Variants in EXOC2 observed in about 807,000 individuals in gnomAD.
EXOC2 encodes the protein exocyst complex component 2.
EXOC2 carries 70 observed loss-of-function variants against 131.8 expected under a neutral mutation model. That is an observed-to-expected ratio of 0.53 (90% CI 0.44 to 0.65). EXOC2 has a LOEUF of 0.65. EXOC2 is among the 30% of genes least tolerant of loss of function. EXOC2 has a pLI of 0.00. For synonymous variants in EXOC2, 411 were observed against 398.4 expected, an observed-to-expected ratio of 1.03 and a Z score of -0.38; for missense variants, 923 against 1,108.6, an observed-to-expected ratio of 0.83 and a Z score of 2.38.
chr6:648,484 C>A (rs1762680638), intron 1 of EXOC2, among the ~76,000 whole-genome samples: 1 of 152,158 alleles, frequency 6.6e-6, no homozygotes, highest in African/African-American at 2.4e-5. Context: ...CACAAATATT[C>A]CAATTGCCAT....
intron 25 of EXOC2, among the ~76,000 whole-genome samples, chr6:491,815 A>C (rs1352528650): frequency 6.6e-6 from 1 of 152,256 alleles, no homozygotes; most frequent in Non-Finnish European, 1.5e-5. Context: ...TTCTGACTTC[A>C]GCCATACTCC....
chr6:661,059 A>C (rs1213232878), intron 1 of EXOC2, among the ~76,000 whole-genome samples: 1 of 152,214 alleles, frequency 6.6e-6, no homozygotes, highest in African/African-American at 2.4e-5. Context: ...AGAAATTCAG[A>C]GCTCGAAGGT....
chr6:596,196 C>T (rs1171584142), intron 10 of EXOC2, among the ~76,000 whole-genome samples: 3 of 151,716 alleles, frequency 2.0e-5, no homozygotes, highest in Admixed American at 6.6e-5. Context: ...CTCTCTTCAT[C>T]CCACCGCCAC....
At chr6:578,242 A>T (rs1758691765) in intron 11 of EXOC2, among the ~76,000 whole-genome samples, 1 of 152,220 alleles carries the variant, frequency 6.6e-6, no homozygotes, top group Non-Finnish European at 1.5e-5. Context: ...TTTCCAAATT[A>T]AAGTAACATT....
chr6:641,698 G>C (rs746821866), intron 1 of EXOC2, among the ~76,000 whole-genome samples: 45 of 152,114 alleles, frequency 3.0e-4, no homozygotes, highest in Non-Finnish European at 7.4e-5. Flanking sequence ...GGCACCCCCT[G>C]AATCAAATAA....
At chr6:685,085 G>T (rs193091303) in intron 1 of EXOC2, among the ~76,000 whole-genome samples, 1 of 151,818 alleles carries the variant, frequency 6.6e-6, no homozygotes, top group African/African-American at 2.4e-5. Context: ...TTCGCTAACA[G>T]ATCAGACTAT....
chr6:521,391 C>A (rs1019914558), intron 23 of EXOC2, among the ~76,000 whole-genome samples: 1 of 152,144 alleles, frequency 6.6e-6, no homozygotes, highest in Admixed American at 6.5e-5. Flanking sequence ...AGTGTCCCAA[C>A]AAACAGCACT....
intron 6 of EXOC2, among the ~76,000 whole-genome samples, chr6:613,625 C>T (rs1012899435): frequency 6.6e-6 from 1 of 152,158 alleles, no homozygotes; most frequent in Non-Finnish European, 1.5e-5. Context: ...CCACACAGCT[C>T]GTTTCCTTTG....
At position 506,576 on chromosome 6, in the gene EXOC2, T is replaced by C. The variant is rs556469260; in HGVS notation, c.2381-6876A>G. Among the ~76,000 whole-genome samples the C allele has an allele frequency of 1.2e-4, 18 of 152,300 alleles. No individual in the cohort carries two copies. The highest frequency in any genetic ancestry group is 4.1e-4 in the African/African-American group (17 of 41,546). On this transcript the variant is annotated intron_variant, in intron 23 of 27. Transcript: ENST00000230449. The surrounding 1 kb of genome is among the most constrained non-coding windows in gnomAD (Gnocchi z 4.4). ...GGGAATGAGAAACAGTTTCTAAGCA[T>C]TTACAACATGTATCTCCTCCACTGT...
At chr6:663,670 GA>G (rs1288519223) in intron 1 of EXOC2, among the ~76,000 whole-genome samples, 2 of 152,038 alleles carry the variant, frequency 1.3e-5, no homozygotes, top group Non-Finnish European at 2.9e-5. Flanking sequence ...CACATAAACA[GA>G]ATTAAAAACA....
intron 1 of EXOC2, among the ~76,000 whole-genome samples, chr6:663,442 A>G (rs541312797): frequency 3.3e-5 from 5 of 152,158 alleles, no homozygotes; most frequent in Non-Finnish European, 5.9e-5. Context: ...ATTCTATGAA[A>G]CCAGCATCAC....
chr6:515,350 C>CT (rs1765087563), intron 23 of EXOC2, among the ~76,000 whole-genome samples: 1 of 152,246 alleles, frequency 6.6e-6, no homozygotes, highest in Admixed American at 6.5e-5. Context: ...AAGTTCATGT[C>CT]TTAACATCTG....
At chr6:632,892 A>C (rs1761923419) in intron 3 of EXOC2, 49 bp downstream of exon 3, 1 of 1,545,346 alleles carries the variant, frequency 6.5e-7, no homozygotes, top group African/African-American at 1.4e-5. Flanking sequence ...CTTAAAAGAC[A>C]AACTCATTTT....
intron 7 of EXOC2, among the ~76,000 whole-genome samples, chr6:601,105 C>T (rs1324080056): frequency 2.6e-5 from 4 of 152,158 alleles, no homozygotes; most frequent in African/African-American, 9.7e-5. Flanking sequence ...GAAAACAAAA[C>T]TATTGAAGAA....
intron 1 of EXOC2, among the ~76,000 whole-genome samples, chr6:680,249 G>A (rs1764341199): frequency 6.6e-6 from 1 of 152,102 alleles, no homozygotes; most frequent in African/African-American, 2.4e-5. Flanking sequence ...ATTGCACCCA[G>A]CCCCAGGTCA....
At chr6:550,318 A>G (rs1454683786) in intron 21 of EXOC2, among the ~76,000 whole-genome samples, 2 of 152,272 alleles carry the variant, frequency 1.3e-5, no homozygotes, top group South Asian at 4.1e-4. Flanking sequence ...GTGAAAAAAG[A>G]TAACATCCTT....
chr6:538,182 C>A (rs1766580148), intron 22 of EXOC2, among the ~76,000 whole-genome samples: 1 of 152,194 alleles, frequency 6.6e-6, no homozygotes, highest in Non-Finnish European at 1.5e-5. Context: ...GGATCAATGT[C>A]AGGAGTACAC....
chr6:692,148 C>G (rs1041696329), intron 1 of EXOC2, among the ~76,000 whole-genome samples: 1 of 152,160 alleles, frequency 6.6e-6, no homozygotes, highest in Non-Finnish European at 1.5e-5. Flanking sequence ...TAAAGTGTGG[C>G]TAACTTAGAA....
intron 1 of EXOC2, among the ~76,000 whole-genome samples, chr6:638,605 G>T (rs535563618): frequency 3.9e-4 from 60 of 152,302 alleles, no homozygotes; most frequent in African/African-American, 1.4e-3. Flanking sequence ...TCCTTGGAAA[G>T]CCCAGTACCT....
Sources: gnomAD v4.1 joint callset for allele counts (sites outside exome capture counted in the v4.1 genomes callset) on GRCh38, gnomAD v4.1.1 for gene constraint, Gnocchi (gnomAD v3.1) non-coding constraint, MANE v1.5 for transcripts, NCBI Gene and HGNC (gene_info 2026-07-23, HGNC 2026-07-21) for gene names.